SCARA3: variants seen among roughly 807,000 people sequenced by gnomAD.
SCARA3 encodes cellular stress response gene protein.
In SCARA3, 39 loss-of-function variants were observed where a neutral mutation model predicts 47.0. The ratio of observed to expected loss-of-function variants is 0.83; its 90% CI spans 0.64 to 1.08. The LOEUF (loss-of-function observed/expected upper bound fraction) is 1.08, where lower values mean the gene tolerates loss of function less well. Ranked by LOEUF, SCARA3 falls within the 50% of genes least tolerant of loss-of-function variation. The pLI, the probability that SCARA3 is intolerant of heterozygous loss-of-function variation, is 0.00. For missense variants in SCARA3, 724 were observed against 792.3 expected (o/e 0.91, Z 1.04); for synonymous variants, 356 against 334.1 (o/e 1.07, Z -0.71).
At chr8:27,725,796 G>A in the SCARA3 span, among the ~76,000 whole-genome samples, 1 of 152,204 alleles carries the variant, frequency 6.6e-6, no homozygotes, top group Non-Finnish European at 1.5e-5. Flanking sequence ...GATGTCAGAA[G>A]CCATCCTCTG....
chr8:27,670,843 G>A, intron 5 of SCARA3, 57 bp from the exon 6 acceptor site: 1 of 1,437,632 alleles, frequency 7.0e-7, no homozygotes, highest in Non-Finnish European at 9.4e-7. Context: ...TCATGGGCGA[G>A]CCTCGGGTGG....
At chr8:27,657,293 C>T (rs1344472460) in intron 4 of SCARA3, among the ~76,000 whole-genome samples, 1 of 151,422 alleles carries the variant, frequency 6.6e-6, no homozygotes, top group Non-Finnish European at 1.5e-5. Context: ...TTAATATGTG[C>T]CATCTATTTA....
the SCARA3 span, among the ~76,000 whole-genome samples, chr8:27,725,793 G>A: frequency 1.3e-5 from 2 of 152,200 alleles, no homozygotes; most frequent in African/African-American, 4.8e-5. Flanking sequence ...TGGGATGTCA[G>A]AAGCCATCCT....
chr8:27,709,543 G>A, the SCARA3 span, among the ~76,000 whole-genome samples: 4 of 152,152 alleles, frequency 2.6e-5, no homozygotes, highest in Non-Finnish European at 4.4e-5. Flanking sequence ...AGGGGGAGGC[G>A]CTTGGGGGCT....
intron 3 of SCARA3, among the ~76,000 whole-genome samples, chr8:27,655,955 G>A (rs561739596): frequency 1.2e-4 from 19 of 152,230 alleles, no homozygotes; most frequent in African/African-American, 3.9e-4. Flanking sequence ...AGTAGTCCCC[G>A]TTTATCCGCA....
At chr8:27,679,667 AT>A (rs1192834679), downstream of SCARA3, among the ~76,000 whole-genome samples, 4 of 152,208 alleles carry the variant, frequency 2.6e-5, no homozygotes, top group African/African-American at 4.8e-5. Context: ...CAGAACATAC[AT>A]TATTTTCAAG....
At chr8:27,683,876 CAAT>C in the SCARA3 span, among the ~76,000 whole-genome samples, 151 of 151,156 alleles carry the variant, frequency 1.0e-3, no homozygotes, top group African/African-American at 3.4e-3. Context: ...AGGAGAACGA[CAAT>C]AAAATATAAG....
chr8:27,659,848 T>TA lies in SCARA3; in HGVS notation c.1369+338dup, dbSNP rs1164812144. On this transcript the variant is annotated intron_variant, in intron 5 of 5. Transcript: ENST00000301904. ...CTGGGAGACAGAGTAAGTCCTTATC[T>TA]AAAAAAAAAAAAAAAAAAAAAAAAA... Among the ~76,000 whole-genome samples, 194 of 40,312 alleles carry TA rather than the reference T, an allele frequency of 4.8e-3. 7 individuals are homozygous for TA. The highest frequency in any genetic ancestry group is 0.012 in the African/African-American group (93 of 7,632). The allele number at this position is 40,312 out of a possible 152,430, so 26.4% of individuals were successfully genotyped here. A position where few individuals can be genotyped will look rare whatever the true frequency, so the allele number is the denominator to read the frequency against.
In SCARA3 at chr8:27,672,364, C is replaced by G; in HGVS notation, c.*1013C>G. The G allele has an allele frequency of 1.0e-6, 1 of 985,502 alleles. No individual in the cohort carries two copies. The highest frequency in any genetic ancestry group is 5.2e-4 in the Middle Eastern group (1 of 1,914). 61.0% of individuals were successfully genotyped at this position (985,502 alleles called of 1,614,324 possible). A position where few individuals can be genotyped will look rare whatever the true frequency, so the allele number is the denominator to read the frequency against. On this transcript the variant is annotated 3_prime_UTR_variant, in exon 6 of 6. Coordinates refer to ENST00000301904, the MANE Select transcript of SCARA3 (RefSeq NM_016240.3). ...ATTGGGCCTGAGTGGAGATGGGAGA[C>G]AGAGGCAGGCCAGAAGGTTCTCTCT...
chr8:27,639,504 G>A (rs567574640), intron 1 of SCARA3, among the ~76,000 whole-genome samples: 82 of 152,216 alleles, frequency 5.4e-4, no homozygotes, highest in African/African-American at 1.9e-3. Context: ...AGCAGGTCCT[G>A]GGGGAAGAGT....
At chr8:27,690,887 T>A in the SCARA3 span, among the ~76,000 whole-genome samples, 1,912 of 152,196 alleles carry the variant, frequency 0.013, 39 homozygotes, top group African/African-American at 0.044. Flanking sequence ...CTCTGTATAT[T>A]GCTCAGGCTA....
intron 5 of SCARA3, among the ~76,000 whole-genome samples, chr8:27,663,125 A>G (rs1299014750): frequency 6.6e-6 from 1 of 152,218 alleles, no homozygotes; most frequent in African/African-American, 2.4e-5. Flanking sequence ...GTACATAGTC[A>G]CACATCTGAC....
chr8:27,724,429 C>T, the SCARA3 span, among the ~76,000 whole-genome samples: 14 of 152,166 alleles, frequency 9.2e-5, no homozygotes, highest in African/African-American at 2.2e-4. Flanking sequence ...TTTGGGAGGC[C>T]GAGGCGGGCA....
In SCARA3 at chr8:27,658,675, C is replaced by T; in HGVS notation, c.505C>T (p.Gln169Ter). ...VLSTTSRQISQEMGSCSFSIH... is the reference protein window; with the variant it reads ...VLSTTSRQIS The stretch of plus-strand genomic sequence containing the variant: ...CTCCACCACCAGCAGACAAATCTCC[C>T]AGGAGATGGGCAGTTGCTCCTTCTC... The change falls in exon 5 of 6, where the codon CAG becomes TAG. Residue 169 changes from glutamine (Q) to a stop codon, truncating the protein, a stop_gained. Coordinates refer to ENST00000301904, the MANE Select transcript of SCARA3 (RefSeq NM_016240.3). LOFTEE classifies it high-confidence loss of function. 1.2e-6 allele frequency: 2 copies of T among 1,614,070 alleles called. No individual in the cohort carries two copies. Among genetic ancestry groups the T allele is most frequent in the Non-Finnish European group, 1.7e-6 (2 of 1,179,986 alleles).
At chr8:27,634,241 G>C (rs1008410881) in intron 1 of SCARA3, 34 bp downstream of exon 1, 1 of 1,336,082 alleles carries the variant, frequency 7.5e-7, no homozygotes, top group African/African-American at 1.5e-5. Flanking sequence ...GCTCCGAGGG[G>C]GGCCGCCTGC....
intron 5 of SCARA3, among the ~76,000 whole-genome samples, chr8:27,661,503 A>C (rs960100304): frequency 2.0e-5 from 3 of 152,236 alleles, no homozygotes; most frequent in African/African-American, 7.2e-5. Context: ...ATAAGAGAAG[A>C]CAGAAAACAA....
At chr8:27,685,597 T>G in the SCARA3 span, among the ~76,000 whole-genome samples, 2 of 152,210 alleles carry the variant, frequency 1.3e-5, no homozygotes, top group African/African-American at 4.8e-5. Flanking sequence ...CTTTTAGATC[T>G]AATAAATAGT....
chr8:27,715,824 T>TAGATGATA, the SCARA3 span, among the ~76,000 whole-genome samples: 13 of 118,836 alleles, frequency 1.1e-4, no homozygotes, highest in African/African-American at 2.0e-4. The surrounding 1 kb of genome is among the most constrained non-coding windows in gnomAD (Gnocchi z 4.2). Context: ...GATAGATAGA[T>TAGATGATA]GATAGATAGA....
chr8:27,733,093 G>A, the SCARA3 span, among the ~76,000 whole-genome samples: 1 of 152,174 alleles, frequency 6.6e-6, no homozygotes, highest in Non-Finnish European at 1.5e-5. Flanking sequence ...TGGCCTTTCA[G>A]CTCTGGGTTC....
Sources: gnomAD v4.1 joint callset for allele counts (sites outside exome capture counted in the v4.1 genomes callset) on GRCh38, gnomAD v4.1.1 for gene constraint, Gnocchi (gnomAD v3.1) non-coding constraint, MANE v1.5 for transcripts, NCBI Gene and HGNC (gene_info 2026-07-23, HGNC 2026-07-21) for gene names.